Variants in CLCN1 observed in about 807,000 individuals in gnomAD.
The protein encoded by CLCN1 is chloride voltage-gated channel 1, also known as chloride channel protein 1.
Under a neutral mutation model 114.5 loss-of-function variants are expected in CLCN1, and 100 were observed. The ratio of observed to expected loss-of-function variants is 0.87; its 90% CI spans 0.74 to 1.03. The LOEUF is 1.03. Ranked by LOEUF, CLCN1 falls within the 50% of genes least tolerant of loss-of-function variation. The probability of loss-of-function intolerance (pLI) is 0.00; values close to 1 mark genes in which losing one functional copy is unlikely to be tolerated. For missense variants in CLCN1, 1,188 were observed against 1,250.0 expected (o/e 0.95, Z 0.75); for synonymous variants, 485 against 487.1 (o/e 1.00, Z 0.06).
chr7:143,318,620 TG>T (rs1215220407), intron 1 of CLCN1, among the ~76,000 whole-genome samples: 1 of 152,202 alleles, frequency 6.6e-6, no homozygotes, highest in Non-Finnish European at 1.5e-5. Flanking sequence ...CTGCCCTGCA[TG>T]GGACCAGCCA....
In CLCN1 at chr7:143,328,303, A is replaced by G. The variant is rs538638700; in HGVS notation, c.854-2469A>G. 3.3e-5 allele frequency among the ~76,000 whole-genome samples: 5 copies of G among 152,284 alleles called. No individual in the cohort carries two copies. The South Asian group carries it at 1.0e-3, about 32-fold the overall frequency. ...TATGAGTAGGAGGAGCAGGAGACCA[A>G]GGACAAAGGCTGGGGTTGGGCAGAG... On this transcript the variant is annotated intron_variant, in intron 7 of 22. Coordinates refer to ENST00000343257, the MANE Select transcript of CLCN1 (RefSeq NM_000083.3).
At chr7:143,342,540 G>A (rs1803114913) in intron 16 of CLCN1, 35 bp downstream of exon 16, 3 of 1,612,776 alleles carry the variant, frequency 1.9e-6, no homozygotes, top group Non-Finnish European at 1.7e-6. Context: ...TCCAGAGCTA[G>A]TGACCTGAAT....
intron 14 of CLCN1, among the ~76,000 whole-genome samples, chr7:143,341,288 G>C (rs1482870666): frequency 6.6e-6 from 1 of 152,112 alleles, no homozygotes; most frequent in Non-Finnish European, 1.5e-5. Flanking sequence ...GCCTGATACA[G>C]TGGCTCATGC....
chr7:143,344,812 G>A (rs562918373), intron 16 of CLCN1, among the ~76,000 whole-genome samples: 4 of 147,510 alleles, frequency 2.7e-5, no homozygotes, highest in African/African-American at 1.0e-4. Flanking sequence ...GTGCAGTGGT[G>A]CGATCTCAGC....
chr7:143,346,864 A>G, intron 19 of CLCN1, 47 bp from the exon 20 acceptor site: 3 of 1,581,064 alleles, frequency 1.9e-6, no homozygotes, highest in Middle Eastern at 1.7e-4. Context: ...CATAGCTACC[A>G]TGGGAAGAAA....
chr7:143,342,441 T>C lies in CLCN1; in HGVS notation c.1866T>C (p.Tyr622=), dbSNP rs1803106242. 1 of 1,614,092 alleles carries C rather than the reference T, an allele frequency of 6.2e-7. No individual in the cohort carries two copies. The highest frequency in any genetic ancestry group is 1.1e-5 in the South Asian group (1 of 91,076). ...AGTTTGTTTCAGCTTCTTACACATATGGGGAGTTGCGAACCCTGCTCCAGA... is the reference window on the plus strand; with the variant it reads ...AGTTTGTTTCAGCTTCTTACACATACGGGGAGTTGCGAACCCTGCTCCAGA... ...DVKFVSASYT[Y]GELRTLLQTT... Residue 622 remains tyrosine (Y), a synonymous_variant, in exon 16 of 23, where the codon TAT becomes TAC. Coordinates refer to ENST00000343257, the MANE Select transcript of CLCN1 (RefSeq NM_000083.3).
rs763319795 is a variant in CLCN1, at chr7:143,316,135, A to G, written c.-78A>G. Reference sequence around the variant, plus strand: ...CAGACGCCTTGGGGACAGCAAGAGCAGAGGCTTAAGGAGCTACACTGGGGG... The same window carrying G: ...CAGACGCCTTGGGGACAGCAAGAGCGGAGGCTTAAGGAGCTACACTGGGGG... On this transcript the variant is annotated 5_prime_UTR_variant, in exon 1 of 23. Transcript: ENST00000343257. 1.2e-5 allele frequency: 15 copies of G among 1,203,214 alleles called. No individual in the cohort carries two copies. In the African/African-American group the frequency reaches 2.1e-4, roughly 17 times the overall value. 74.5% of individuals were successfully genotyped at this position (1,203,214 alleles called of 1,614,324 possible).
chr7:143,347,072 T>A (rs1803268925), intron 20 of CLCN1, 123 bp downstream of exon 20: 4 of 890,074 alleles, frequency 4.5e-6, no homozygotes, highest in Non-Finnish European at 5.7e-6. Flanking sequence ...GGAAGTGTTT[T>A]GAGAGGATGG....
chr7:143,345,986 G>A (rs558953823), intron 17 of CLCN1, among the ~76,000 whole-genome samples, 154 bp from the exon 18 acceptor site: 61 of 152,254 alleles, frequency 4.0e-4, no homozygotes, highest in Admixed American at 2.2e-3. Flanking sequence ...GGTTGCAGAT[G>A]ATGGTATCCT....
chr7:143,328,542 A>C (rs1802637172), intron 7 of CLCN1, among the ~76,000 whole-genome samples: 1 of 152,218 alleles, frequency 6.6e-6, no homozygotes, highest in Non-Finnish European at 1.5e-5. Context: ...GTGTCCCAGA[A>C]CCACGTCGTA....
At position 143,321,269 on chromosome 7, in the gene CLCN1, G is replaced by A. The variant is rs1802423199; in HGVS notation, c.434-96G>A. 2.8e-6 allele frequency: 4 copies of A among 1,449,700 alleles called. No homozygotes were observed. The highest frequency in any genetic ancestry group is 1.9e-5 in the Admixed American group (1 of 52,894). The allele number at this position is 1,449,700 out of a possible 1,614,324, so 89.8% of individuals were successfully genotyped here. ...CCATCTCAGAAGGGGCACACAGAAG[G>A]AGCACGGCCTGAGAACATGCCGGGT... On this transcript the variant is annotated intron_variant, in intron 3 of 22. Coordinates refer to ENST00000343257, the MANE Select transcript of CLCN1 (RefSeq NM_000083.3). This position sits in a 1 kb window ranked among gnomAD's most constrained non-coding sequence, Gnocchi z 4.2.
intron 20 of CLCN1, among the ~76,000 whole-genome samples, chr7:143,348,428 A>G (rs557552559): frequency 6.6e-6 from 1 of 152,302 alleles, no homozygotes; most frequent in South Asian, 2.1e-4. Context: ...TGGCTATTGA[A>G]TGACCACTGG....
chr7:143,333,607 T>C (rs909091128), intron 12 of CLCN1, among the ~76,000 whole-genome samples: 1 of 152,204 alleles, frequency 6.6e-6, no homozygotes. Flanking sequence ...TGAGCATCTT[T>C]TTTCCCCCGG....
chr7:143,350,451 T>C lies in CLCN1; in HGVS notation c.2483T>C (p.Leu828Pro). 6.2e-7 allele frequency: 1 copy of C among 1,614,140 alleles called. No homozygotes were observed. Among genetic ancestry groups the C allele is most frequent in the Non-Finnish European group, 8.5e-7 (1 of 1,179,976 alleles). Residue 828 changes from leucine (L) to proline (P), a missense_variant, in exon 21 of 23, where the codon CTG becomes CCG. Transcript: ENST00000343257. This position sits in a 1 kb window ranked among gnomAD's most constrained non-coding sequence, Gnocchi z 5.1. ...SCCIDQSPFQ[L>P]VEQTTLHKTH... Reference sequence around the variant, plus strand: ...TGTATTGACCAGTCTCCCTTCCAGCTGGTGGAGCAGACAACCCTGCACAAG... The same window carrying C: ...TGTATTGACCAGTCTCCCTTCCAGCCGGTGGAGCAGACAACCCTGCACAAG...
At chr7:143,337,276 C>T (rs1212716793) in intron 12 of CLCN1, among the ~76,000 whole-genome samples, 2 of 152,238 alleles carry the variant, frequency 1.3e-5, no homozygotes, top group African/African-American at 4.8e-5. Flanking sequence ...TTACTGAGCA[C>T]TGTGCCAGTG....
rs1803412521 is a variant in CLCN1, at chr7:143,351,709, C to A, written c.2711C>A (p.Ala904Glu). 6.2e-7 allele frequency: 1 copy of A among 1,614,096 alleles called. No individual in the cohort carries two copies. Among genetic ancestry groups the A allele is most frequent in the African/African-American group, 1.3e-5 (1 of 74,938 alleles). ...AGTACCGGGGCACCTCCATCTTCTG[C>A]AGAGAACTGGAACCTGCCTGAGGAC... ...RKSTGAPPSSAENWNLPEDRP... is the reference protein window; with the variant it reads ...RKSTGAPPSSEENWNLPEDRP... Residue 904 changes from alanine (A) to glutamate (E), a missense_variant, in exon 23 of 23, where the codon GCA (alanine) becomes GAA (glutamate). Coordinates refer to ENST00000343257, the MANE Select transcript of CLCN1 (RefSeq NM_000083.3).
chr7:143,345,554 CG>C lies in CLCN1; in HGVS notation c.1966del (p.Glu656AsnfsTer138), dbSNP rs1586514992. The C allele has an allele frequency of 4.5e-6, 7 of 1,543,236 alleles. No individual in the cohort carries two copies. Among genetic ancestry groups the C allele is most frequent in the Non-Finnish European group, 6.1e-6 (7 of 1,141,536 alleles). On this transcript the variant is annotated frameshift_variant, in exon 17 of 23. Coordinates refer to ENST00000343257, the MANE Select transcript of CLCN1 (RefSeq NM_000083.3). LOFTEE classifies it high-confidence loss of function. ...ATCCTGCTGGGCTCGGTGGAGCGGT[CG>C]GAACTGCAGGCCCTCCTGCAGCGCC... ...SMILLGSVER[S>X]ELQALLQRHL... is the part of the protein sequence containing the mutation.
Position 143,350,507 on chromosome 7 carries a change from G to A in CLCN1, c.2508+31G>A. On this transcript the variant is annotated intron_variant, in intron 21 of 22. Coordinates refer to ENST00000343257, the MANE Select transcript of CLCN1 (RefSeq NM_000083.3). The surrounding 1 kb of genome is among the most constrained non-coding windows in gnomAD (Gnocchi z 5.1). ...TCTTTTGCTGACTGCTCAGGGCTGT[G>A]GGGAAGGCAGGAGAGCTGTGGGGCA... is the stretch of plus-strand genomic sequence containing the variant. The A allele has an allele frequency of 1.2e-6, 2 of 1,606,054 alleles. No individual in the cohort carries two copies. The highest frequency in any genetic ancestry group is 1.3e-5 in the African/African-American group (1 of 74,682).
Position 143,350,414 on chromosome 7 carries a change from T to C in CLCN1, c.2446T>C (p.Phe816Leu). ...GGAGCAGCTGAGCCAGCCTGTCTGT[T>C]TTGATTCCTGCTGTATTGACCAGTC... The part of the protein sequence containing the change: ...EQEQLSQPVC[F>L]DSCCIDQSPF... The change falls in exon 21 of 23, where the codon TTT (phenylalanine) becomes CTT (leucine). Residue 816 changes from phenylalanine to leucine, a missense_variant. Phe to Leu is a conservative substitution (Grantham distance 22, BLOSUM62 0). Coordinates refer to ENST00000343257, the MANE Select transcript of CLCN1 (RefSeq NM_000083.3). The surrounding 1 kb of genome is among the most constrained non-coding windows in gnomAD (Gnocchi z 5.1). 6.2e-7 allele frequency: 1 copy of C among 1,614,172 alleles called. No homozygotes were observed. The highest frequency in any genetic ancestry group is 8.5e-7 in the Non-Finnish European group (1 of 1,180,040).
Sources: allele counts gnomAD v4.1 joint callset (sites outside exome capture counted in the v4.1 genomes callset), GRCh38; gene constraint gnomAD v4.1.1; non-coding constraint Gnocchi (gnomAD v3.1); transcripts MANE v1.5; gene names NCBI Gene and HGNC (gene_info 2026-07-23, HGNC 2026-07-21).